The following RNF17 variants were observed in gnomAD, a reference collection of about 807,000 sequenced individuals.
RNF17 encodes spermatogenesis associated 23.
Under a neutral mutation model 200.5 loss-of-function variants are expected in RNF17, and 31 were observed. The ratio of observed to expected loss-of-function variants is 0.15; its 90% CI spans 0.12 to 0.21. RNF17 has a LOEUF of 0.21. Ranked by LOEUF, RNF17 falls within the 10% of genes least tolerant of loss-of-function variation. The probability of loss-of-function intolerance (pLI) is 1.00; values close to 1 mark genes in which losing one functional copy is unlikely to be tolerated. For synonymous variants in RNF17, 606 were observed against 637.8 expected, an observed-to-expected ratio of 0.95 and a Z score of 0.75; for missense variants, 1,628 against 1,905.1, an observed-to-expected ratio of 0.85 and a Z score of 2.71.
chr13:24,820,331 A>G (rs1358212054), intron 15 of RNF17, among the ~76,000 whole-genome samples: 1 of 152,116 alleles, frequency 6.6e-6, no homozygotes, highest in Non-Finnish European at 1.5e-5. Flanking sequence ...CATGTTGGCC[A>G]GGCTGGTCTA....
Position 24,802,388 on chromosome 13 carries a change from G to C in RNF17, c.1766G>C (p.Gly589Ala), listed in dbSNP as rs755876583. Reference sequence around the variant, plus strand: ...TTTTACTTTCTTGCACAGAATGAAGGCTGGGAAGAGGAAGCTAAAGTGGAA... The same window carrying C: ...TTTTACTTTCTTGCACAGAATGAAGCCTGGGAAGAGGAAGCTAAAGTGGAA... ...KDIVPQNSNEGWEEEAKVEFL... is the reference protein window; with the variant it reads ...KDIVPQNSNEAWEEEAKVEFL... The change falls in exon 14 of 36, where the codon GGC becomes GCC. Residue 589 changes from glycine (G) to alanine (A), a missense_variant. Physicochemically the swap from Gly to Ala is moderately conservative, Grantham distance 60. Coordinates refer to ENST00000255324, the MANE Select transcript of RNF17 (RefSeq NM_031277.3). 1.2e-6 allele frequency: 2 copies of C among 1,611,328 alleles called. No individual in the cohort carries two copies. Among genetic ancestry groups the C allele is most frequent in the Admixed American group, 1.7e-5 (1 of 59,668 alleles).
At chr13:24,870,783 T>C (rs745449173) in intron 32 of RNF17, 44 bp downstream of exon 32, 2 of 1,557,956 alleles carry the variant, frequency 1.3e-6, no homozygotes, top group Non-Finnish European at 1.8e-6. Flanking sequence ...TTAATAAAAC[T>C]TGGATTTTGT....
chr13:24,793,045 T>C lies in RNF17; in HGVS notation c.939T>C (p.Cys313=), dbSNP rs1052966397. 8 of 1,560,452 alleles carry C rather than the reference T, an allele frequency of 5.1e-6. No homozygotes were observed. In the African/African-American group the frequency reaches 1.1e-4, roughly 21 times the overall value. ...ATATCTCTGTATTTTTAAACAGATG[T>C]TATCCCCAAGAAAATGAAATTAGAC... ...GKIEFRDSTK[C]YPQENEIRQN... Residue 313 remains cysteine, a synonymous_variant, in exon 10 of 36, where the codon TGT becomes TGC. Transcript: ENST00000255324.
intron 14 of RNF17, 102 bp from the exon 15 acceptor site, chr13:24,804,186 C>T (rs1330863241): frequency 9.4e-7 from 1 of 1,065,496 alleles, no homozygotes; most frequent in Admixed American, 2.3e-5. Flanking sequence ...TGCTTGAGCC[C>T]AGAAGGGTAG....
chr13:24,863,715 G>A (rs1162797428), intron 28 of RNF17, among the ~76,000 whole-genome samples: 1 of 152,200 alleles, frequency 6.6e-6, no homozygotes, highest in Non-Finnish European at 1.5e-5. Context: ...CTGAAATATG[G>A]TAGAGATTGA....
the RNF17 span, among the ~76,000 whole-genome samples, chr13:24,748,008 G>T: frequency 3.9e-5 from 6 of 152,240 alleles, no homozygotes; most frequent in Non-Finnish European, 4.4e-5. Context: ...GCCGGGGCGG[G>T]GCTGCTGGAC....
chr13:24,777,449 C>T (rs1201600578), intron 3 of RNF17, among the ~76,000 whole-genome samples: 1 of 152,164 alleles, frequency 6.6e-6, no homozygotes, highest in African/African-American at 2.4e-5. Flanking sequence ...GGGAGGATCA[C>T]TTGAGTCCAG....
chr13:24,778,476 T>C, intron 4 of RNF17, 70 bp downstream of exon 4: 1 of 934,472 alleles, frequency 1.1e-6, no homozygotes, highest in Non-Finnish European at 1.7e-6. Flanking sequence ...AGCTCAACTT[T>C]CTTCTCCTAT....
Position 24,842,079 on chromosome 13 carries a change from G to T in RNF17, c.2521G>T (p.Asp841Tyr). 1 of 1,611,360 alleles carries T rather than the reference G, an allele frequency of 6.2e-7. No individual in the cohort carries two copies. Among genetic ancestry groups the T allele is most frequent in the South Asian group, 1.1e-5 (1 of 90,666 alleles). The change falls in exon 19 of 36, where the codon GAT becomes TAT. Residue 841 changes from aspartate (D) to tyrosine (Y), a missense_variant. This residue lies in a region of RNF17 where 227 missense variants were observed against 319.8 expected (regional missense o/e 0.71). Transcript: ENST00000255324. ...EDNVLLVELF[D>Y]SLGAPEMTTT... ...TAATGTGCTCTTAGTTGAGCTTTTCGATTCTCTTGGTGCTCCTGAAATGAC... is the reference window on the plus strand; with the variant it reads ...TAATGTGCTCTTAGTTGAGCTTTTCTATTCTCTTGGTGCTCCTGAAATGAC...
chr13:24,749,892 G>A, the RNF17 span, among the ~76,000 whole-genome samples: 1 of 152,288 alleles, frequency 6.6e-6, no homozygotes, highest in East Asian at 1.9e-4. Flanking sequence ...TAGGACTACA[G>A]GCATGCGACA....
chr13:24,812,698 T>C (rs1470466808), intron 15 of RNF17, among the ~76,000 whole-genome samples: 2 of 112,544 alleles, frequency 1.8e-5, no homozygotes, highest in African/African-American at 6.3e-5. Flanking sequence ...TTTTTTTTTT[T>C]TGAGACGCAG....
intron 18 of RNF17, among the ~76,000 whole-genome samples, chr13:24,835,798 A>G (rs1049080394): frequency 6.6e-6 from 1 of 152,240 alleles, no homozygotes; most frequent in African/African-American, 2.4e-5. Flanking sequence ...CTAGTTCACC[A>G]GCAGTGGATC....
chr13:24,755,705 G>A, the RNF17 span, among the ~76,000 whole-genome samples: 1 of 152,090 alleles, frequency 6.6e-6, no homozygotes, highest in Non-Finnish European at 1.5e-5. Context: ...CTTTGGACAA[G>A]GTGTTCTATT....
downstream of RNF17, among the ~76,000 whole-genome samples, chr13:24,881,235 C>A (rs1342993206): frequency 6.6e-6 from 1 of 151,976 alleles, no homozygotes; most frequent in Non-Finnish European, 1.5e-5. Flanking sequence ...CAACCTCTGC[C>A]TCCTGAGTTC....
At chr13:24,756,214 A>AT in the RNF17 span, among the ~76,000 whole-genome samples, 1 of 152,154 alleles carries the variant, frequency 6.6e-6, no homozygotes, top group East Asian at 1.9e-4. Flanking sequence ...AATATGGAAG[A>AT]TTTTCTGGCA....
chr13:24,813,756 A>G (rs933109733), intron 15 of RNF17, among the ~76,000 whole-genome samples: 3 of 146,228 alleles, frequency 2.1e-5, no homozygotes, highest in African/African-American at 7.6e-5. Flanking sequence ...CAGCCTCCCA[A>G]GTAGCTAGAA....
At chr13:24,881,338 A>C (rs1010275114), downstream of RNF17, among the ~76,000 whole-genome samples, 1 of 151,808 alleles carries the variant, frequency 6.6e-6, no homozygotes, top group South Asian at 2.1e-4. Context: ...ACGGGGTTTC[A>C]TCATGTTGGC....
At chr13:24,840,898 T>A (rs9551155) in intron 18 of RNF17, among the ~76,000 whole-genome samples, 12 of 152,306 alleles carry the variant, frequency 7.9e-5, no homozygotes, top group South Asian at 4.2e-4. Flanking sequence ...AAAAATTTTT[T>A]AAAAACTTTT....
chr13:24,866,288 T>TAA, intron 30 of RNF17, 85 bp downstream of exon 30: 2 of 722,668 alleles, frequency 2.8e-6, no homozygotes, highest in Non-Finnish European at 4.8e-6. Flanking sequence ...CTCTCTTTTA[T>TAA]AACAGTTTTA....
Sources: gnomAD v4.1 joint callset for allele counts (sites outside exome capture counted in the v4.1 genomes callset) on GRCh38, gnomAD v4.1.1 for gene constraint, gnomAD v4.1.1 regional missense constraint, MANE v1.5 for transcripts, NCBI Gene and HGNC (gene_info 2026-07-23, HGNC 2026-07-21) for gene names.